GALNTL6: variants seen among roughly 807,000 people sequenced by gnomAD.
GALNTL6 encodes the protein polypeptide N-acetylgalactosaminyltransferase like 6.
GALNTL6 carries 46 observed loss-of-function variants against 73.7 expected under a neutral mutation model. That is an observed-to-expected ratio of 0.62 (90% CI 0.49 to 0.80). The LOEUF is 0.80. Among genes scored for constraint, GALNTL6 ranks in the 30% least tolerant of loss-of-function variants. GALNTL6 has a pLI of 0.00. For synonymous variants in GALNTL6, 259 were observed against 263.7 expected, an observed-to-expected ratio of 0.98 and a Z score of 0.17; for missense variants, 604 against 755.0, an observed-to-expected ratio of 0.80 and a Z score of 2.34.
intron 5 of GALNTL6, among the ~76,000 whole-genome samples, chr4:172,432,610 C>T (rs1199006877): frequency 1.3e-5 from 2 of 151,970 alleles, no homozygotes; most frequent in East Asian, 3.9e-4. Context: ...ATATCTAAAA[C>T]TGGATTGTAG....
intron 5 of GALNTL6, among the ~76,000 whole-genome samples, chr4:172,661,411 C>CACAT (rs1731363881): frequency 6.6e-6 from 1 of 152,172 alleles, no homozygotes; most frequent in East Asian, 1.9e-4. Flanking sequence ...TATATATATG[C>CACAT]ACATACATAC....
intron 5 of GALNTL6, among the ~76,000 whole-genome samples, chr4:172,720,920 T>C (rs1735431863): frequency 6.6e-6 from 1 of 152,240 alleles, no homozygotes; most frequent in African/African-American, 2.4e-5. Context: ...AGCTTGGTGC[T>C]ATACTTTTCA....
At chr4:172,729,425 T>C (rs754394362) in intron 5 of GALNTL6, among the ~76,000 whole-genome samples, 3 of 152,164 alleles carry the variant, frequency 2.0e-5, no homozygotes, top group Non-Finnish European at 4.4e-5. Flanking sequence ...GAGATAGGGA[T>C]CTAGCTTTAT....
chr4:172,304,567 A>C (rs544707034), intron 3 of GALNTL6, among the ~76,000 whole-genome samples: 1 of 152,200 alleles, frequency 6.6e-6, no homozygotes, highest in South Asian at 2.1e-4. Flanking sequence ...TCAGCTGCTT[A>C]TTGCTCAAAA....
chr4:172,335,960 A>G (rs1741300787), intron 4 of GALNTL6, among the ~76,000 whole-genome samples: 1 of 151,998 alleles, frequency 6.6e-6, no homozygotes, highest in Admixed American at 6.6e-5. Flanking sequence ...CTCTGATTTT[A>G]GTTATTTATT....
intron 3 of GALNTL6, among the ~76,000 whole-genome samples, chr4:172,266,885 C>T (rs2111048147): frequency 6.6e-6 from 1 of 152,120 alleles, no homozygotes; most frequent in African/African-American, 2.4e-5. Flanking sequence ...GTCAGCAATC[C>T]CCAAATTATA....
intron 2 of GALNTL6, among the ~76,000 whole-genome samples, chr4:171,968,457 T>G (rs1739454620): frequency 6.6e-6 from 1 of 152,182 alleles, no homozygotes; most frequent in African/African-American, 2.4e-5. Flanking sequence ...AAGTGCTTCT[T>G]CTCTATGTTT....
chr4:171,822,936 C>T (rs1560801906), intron 2 of GALNTL6, among the ~76,000 whole-genome samples: 1 of 152,134 alleles, frequency 6.6e-6, no homozygotes, highest in Non-Finnish European at 1.5e-5. Context: ...GTCGTCTGTA[C>T]CTTTAGGATT....
chr4:171,829,980 C>G (rs529125423), intron 2 of GALNTL6, among the ~76,000 whole-genome samples: 2 of 151,776 alleles, frequency 1.3e-5, no homozygotes, highest in Admixed American at 1.3e-4. Context: ...AAAAGACACA[C>G]TGGGGAATTT....
chr4:172,114,868 C>T (rs144321193), intron 2 of GALNTL6, among the ~76,000 whole-genome samples: 1 of 152,040 alleles, frequency 6.6e-6, no homozygotes, highest in African/African-American at 2.4e-5. Context: ...TTATTACATA[C>T]GACAGTCGAG....
rs181656576 is a variant in GALNTL6, at chr4:172,959,406, G to A, written c.1371+7148G>A. Reference sequence around the variant, plus strand: ...TGCTTAAAAGAGCATTGTCTAAGTTGGCACCAGAGTTGGGGAGTTTTAAGA... The same window carrying A: ...TGCTTAAAAGAGCATTGTCTAAGTTAGCACCAGAGTTGGGGAGTTTTAAGA... On this transcript the variant is annotated intron_variant, in intron 10 of 12. Transcript: ENST00000506823. 3.4e-3 allele frequency among the ~76,000 whole-genome samples: 512 copies of A among 152,216 alleles called. 3 individuals carry two copies. Among genetic ancestry groups the A allele is most frequent in the African/African-American group, 0.011 (449 of 41,510 alleles).
intron 5 of GALNTL6, among the ~76,000 whole-genome samples, chr4:172,396,318 T>C (rs1743848386): frequency 4.5e-3 from 1 of 224 alleles, no homozygotes. Flanking sequence ...TTTTTTTTCT[T>C]TTTTTTTTTT....
At chr4:172,554,115 A>G (rs1281227822) in intron 5 of GALNTL6, among the ~76,000 whole-genome samples, 1 of 152,182 alleles carries the variant, frequency 6.6e-6, no homozygotes, top group Non-Finnish European at 1.5e-5. Context: ...ATTGCCTTCA[A>G]CAAGAGGATT....
chr4:172,666,301 A>G (rs886526038), intron 5 of GALNTL6, among the ~76,000 whole-genome samples: 1 of 152,164 alleles, frequency 6.6e-6, no homozygotes, highest in Non-Finnish European at 1.5e-5. Context: ...TTGCATTCAC[A>G]TGAATGATGG....
chr4:172,851,394 A>G (rs1370450840), intron 7 of GALNTL6, among the ~76,000 whole-genome samples: 1 of 146,692 alleles, frequency 6.8e-6, no homozygotes, highest in Non-Finnish European at 1.5e-5. Context: ...ATATGTATGT[A>G]TGTACTTACA....
chr4:172,787,056 A>G (rs765796962), intron 5 of GALNTL6, among the ~76,000 whole-genome samples: 3 of 152,128 alleles, frequency 2.0e-5, no homozygotes, highest in Non-Finnish European at 4.4e-5. Context: ...CACCACTGCT[A>G]CTGCCATTCA....
At chr4:173,022,974 T>C (rs1186233664) in intron 12 of GALNTL6, among the ~76,000 whole-genome samples, 1 of 152,234 alleles carries the variant, frequency 6.6e-6, no homozygotes, top group African/African-American at 2.4e-5. Flanking sequence ...CTCAAATCCA[T>C]GGACCTGCTG....
intron 5 of GALNTL6, among the ~76,000 whole-genome samples, chr4:172,358,986 A>G (rs1239375352): frequency 1.3e-5 from 2 of 152,066 alleles, no homozygotes; most frequent in African/African-American, 4.8e-5. Context: ...TTTCCCAAAG[A>G]CTTAAACACA....
chr4:171,836,694 T>A (rs573488783), intron 2 of GALNTL6, among the ~76,000 whole-genome samples: 16 of 152,278 alleles, frequency 1.1e-4, no homozygotes, highest in Non-Finnish European at 2.1e-4. Context: ...ACATTCAACT[T>A]TTTCAGTCTT....
Sources: gnomAD v4.1 joint callset for allele counts (sites outside exome capture counted in the v4.1 genomes callset) on GRCh38, gnomAD v4.1.1 for gene constraint, MANE v1.5 for transcripts, NCBI Gene and HGNC (gene_info 2026-07-23, HGNC 2026-07-21) for gene names.